The following RNF123 variants were observed in gnomAD, a reference collection of about 807,000 sequenced individuals.
The protein encoded by RNF123 is E3 ubiquitin-protein ligase RNF123.
In RNF123, 86 loss-of-function variants were observed where a neutral mutation model predicts 168.5. That is an observed-to-expected ratio of 0.51 (90% confidence interval 0.43 to 0.61). The LOEUF (loss-of-function observed/expected upper bound fraction) is 0.61, where lower values mean the gene tolerates loss of function less well. RNF123 is among the 20% of genes least tolerant of loss of function. RNF123 has a pLI of 0.00. For synonymous variants in RNF123, 666 were observed against 689.1 expected, an observed-to-expected ratio of 0.97 and a Z score of 0.52; for missense variants, 1,419 against 1,729.7, an observed-to-expected ratio of 0.82 and a Z score of 3.19.
chr3:49,702,702 T>C lies in RNF123; in HGVS notation c.1699T>C (p.Tyr567His), dbSNP rs2054430020. 2 of 1,614,074 alleles carry C rather than the reference T, an allele frequency of 1.2e-6. No individual in the cohort carries two copies. Among genetic ancestry groups the C allele is most frequent in the African/African-American group, 1.3e-5 (1 of 74,924 alleles). ...ACACCGGCTGATCTCTGCCCTGCGCTACTATTGGGATGAATACAAGGCTTC... is the reference window on the plus strand; with the variant it reads ...ACACCGGCTGATCTCTGCCCTGCGCCACTATTGGGATGAATACAAGGCTTC... ...FLHRLISALRYYWDEYKASNP... is the reference protein window; with the variant it reads ...FLHRLISALRHYWDEYKASNP... Residue 567 changes from tyrosine (Y) to histidine (H), a missense_variant, in exon 20 of 39, where the codon TAC (tyrosine) becomes CAC (histidine). By Grantham distance (83) the Tyr-to-His change is moderately conservative (BLOSUM62 2). Around this residue, in one of 5 missense-constraint regions of RNF123, gnomAD observed 349 missense variants for 344.9 expected, o/e 1.01. Coordinates refer to ENST00000327697, the MANE Select transcript of RNF123 (RefSeq NM_022064.5).
chr3:49,716,253 C>G (rs2080242762), intron 34 of RNF123, 76 bp downstream of exon 34: 2 of 1,570,010 alleles, frequency 1.3e-6, no homozygotes, highest in Non-Finnish European at 1.8e-6. Flanking sequence ...AGGCCTGATT[C>G]CACATTCTGC....
rs758710106 is a variant in RNF123 at position 49,691,160 on chromosome 3, T to C, written c.-6T>C. 8 of 1,613,514 alleles carry C rather than the reference T, an allele frequency of 5.0e-6. No individual in the cohort carries two copies. Among genetic ancestry groups the C allele is most frequent in the African/African-American group, 2.7e-5 (2 of 75,034 alleles). ...AGGACCACTGGCTGCCCATGAGAGATGAAGGATGGCATCCAAGGGGGCCGG... is the reference window on the plus strand; with the variant it reads ...AGGACCACTGGCTGCCCATGAGAGACGAAGGATGGCATCCAAGGGGGCCGG... On this transcript the variant is annotated 5_prime_UTR_variant, in exon 2 of 39. An upstream start codon of the reference 5' UTR is lost. Coordinates refer to ENST00000327697, the MANE Select transcript of RNF123 (RefSeq NM_022064.5).
chr3:49,700,247 G>A lies in RNF123; in HGVS notation c.1005G>A (p.Glu335=). The A allele has an allele frequency of 6.8e-6, 11 of 1,614,202 alleles. No homozygotes were observed. The highest frequency in any genetic ancestry group is 8.5e-6 in the Non-Finnish European group (10 of 1,180,028). Residue 335 remains glutamate (E), a synonymous_variant, in exon 13 of 39, where the codon GAG becomes GAA. Transcript: ENST00000327697. Reference sequence around the variant, plus strand: ...TGCAGCGCAAGGTGTATCTGGTGGAGGCTGTGCTCATGAGCTTCTTGCTGG... The same window carrying A: ...TGCAGCGCAAGGTGTATCTGGTGGAAGCTGTGCTCATGAGCTTCTTGCTGG... ...APLLRKVYLV[E]AVLMSFLLGI... is the part of the protein sequence containing the mutation.
chr3:49,716,649 G>A (rs899674957), intron 35 of RNF123, among the ~76,000 whole-genome samples, 172 bp downstream of exon 35: 8 of 152,280 alleles, frequency 5.3e-5, no homozygotes, highest in Non-Finnish European at 7.4e-5. Context: ...GGGGGCAGAC[G>A]GAGCTGCTCT....
chr3:49,701,589 C>T lies in RNF123; in HGVS notation c.1376C>T (p.Pro459Leu). Residue 459 changes from proline (P) to leucine (L), a missense_variant, in exon 16 of 39, where the codon CCC (proline) becomes CTC (leucine). By Grantham distance (98) the Pro-to-Leu change is moderately conservative. This residue lies in a region of RNF123 where 349 missense variants were observed against 344.9 expected (regional missense o/e 1.01). Coordinates refer to ENST00000327697, the MANE Select transcript of RNF123 (RefSeq NM_022064.5). ...LQELIPTTWW[P>L]HCSSREGKES... ...GAGCTCATTCCCACCACCTGGTGGC[C>T]CCACTGCTCCAGTAGGGAGGTGAGT... is the stretch of plus-strand genomic sequence containing the variant. 6.2e-7 allele frequency: 1 copy of T among 1,613,294 alleles called. No homozygotes were observed.
chr3:49,704,065 G>A (rs144365800), intron 21 of RNF123, among the ~76,000 whole-genome samples: 1 of 152,232 alleles, frequency 6.6e-6, no homozygotes, highest in Non-Finnish European at 1.5e-5. Flanking sequence ...CAGAGGTTGT[G>A]TGGATGGGGT....
intron 35 of RNF123, chr3:49,717,682 G>GAAGT (rs1452103493): frequency 3.6e-6 from 2 of 554,712 alleles, no homozygotes; most frequent in Admixed American, 6.5e-5. Flanking sequence ...TGGGCACTAG[G>GAAGT]AAGTCCGCGG....
chr3:49,708,389 C>T (rs4855867), intron 26 of RNF123, among the ~76,000 whole-genome samples: 79,321 of 152,122 alleles, frequency 0.52, 21,597 homozygotes, highest in East Asian at 0.82. Context: ...TCCTCCCTTC[C>T]CCAGCTTCCC....
chr3:49,695,229 C>G (rs1485757705), intron 3 of RNF123, among the ~76,000 whole-genome samples: 1 of 151,996 alleles, frequency 6.6e-6, no homozygotes, highest in Non-Finnish European at 1.5e-5. Flanking sequence ...CAGCCTCCCA[C>G]ATAGCTGGGA....
At chr3:49,697,092 T>A in intron 3 of RNF123, 51 bp from the exon 4 acceptor site, 4 of 1,464,998 alleles carry the variant, frequency 2.7e-6, no homozygotes, top group Non-Finnish European at 3.8e-6. Flanking sequence ...TAGTGTCATC[T>A]GGCTGATTTC....
rs947013058 is a variant in RNF123, at chr3:49,705,853, G to A, written c.2305-129G>A. On this transcript the variant is annotated intron_variant, in intron 24 of 38. Transcript: ENST00000327697. ...GCTGCCTCAGTCTGACCTGCTGACT[G>A]TTGTGGGAATGGGACCGCCCTGGGC... The A allele has an allele frequency of 1.9e-5, 27 of 1,433,428 alleles. No individual in the cohort carries two copies. The South Asian group carries it at 2.5e-4, about 13-fold the overall frequency. The allele number at this position is 1,433,428 out of a possible 1,614,324, so 88.8% of individuals were successfully genotyped here. A position where few individuals can be genotyped will look rare whatever the true frequency, so the allele number is the denominator to read the frequency against.
Position 49,699,078 on chromosome 3 carries a change from C to T in RNF123, c.737C>T (p.Ala246Val). 1 of 1,613,734 alleles carries T rather than the reference C, an allele frequency of 6.2e-7. No homozygotes were observed. Residue 246 changes from alanine (A) to valine (V), a missense_variant, in exon 10 of 39, where the codon GCC (alanine) becomes GTC (valine). Ala to Val is a moderately conservative substitution (Grantham distance 64). Coordinates refer to ENST00000327697, the MANE Select transcript of RNF123 (RefSeq NM_022064.5). This position sits in a 1 kb window ranked among gnomAD's most constrained non-coding sequence, Gnocchi z 4.8. ...AISLSFKESV[A>V]FNFGSRPLRY... Reference sequence around the variant, plus strand: ...AGCCTCTCTTTCAAGGAGTCCGTGGCCTTCAACTTTGGCAGCCGTCCTCTG... The same window carrying T: ...AGCCTCTCTTTCAAGGAGTCCGTGGTCTTCAACTTTGGCAGCCGTCCTCTG...
Position 49,720,882 on chromosome 3 carries a change from A to G in RNF123, c.3726A>G (p.Ala1242=). The change falls in exon 37 of 39, where the codon GCA becomes GCG. Residue 1242 remains alanine (A), a synonymous_variant. Coordinates refer to ENST00000327697, the MANE Select transcript of RNF123 (RefSeq NM_022064.5). ...TGACCTCTGCATCTGCCCAGGCAGC[A>G]GCTGCCTCCCTGGTGAGTGGGAACA... ...AHLTSASAQA[A]AASLPTSEED... 1 of 1,614,128 alleles carries G rather than the reference A, an allele frequency of 6.2e-7. No individual in the cohort carries two copies. Among genetic ancestry groups the G allele is most frequent in the Non-Finnish European group, 8.5e-7 (1 of 1,179,996 alleles).
At chr3:49,697,513 G>A (rs2054292767) in intron 5 of RNF123, 56 bp downstream of exon 5, 23 of 1,379,466 alleles carry the variant, frequency 1.7e-5, no homozygotes, top group Non-Finnish European at 3.0e-6. Context: ...CATAGCCCCA[G>A]GCTCCTCCTG....
At chr3:49,715,350 G>A in intron 31 of RNF123, 1 of 597,368 alleles carries the variant, frequency 1.7e-6, no homozygotes. Context: ...GTCAGGGCTG[G>A]ACACAGCTGC....
In RNF123 at chr3:49,715,980, C is replaced by G. The variant is rs2080236174; in HGVS notation, c.3309C>G (p.Thr1103=). ...TATTCCTTGACTGGACCCGGCCTAC[C>G]TCTGAGATGCTGCTGCGGCGTCTTG... ...PEIFLDWTRP[T]SEMLLRRLAQ... The change falls in exon 33 of 39, where the codon ACC becomes ACG. Residue 1103 remains threonine (T), a synonymous_variant. Transcript: ENST00000327697. The G allele has an allele frequency of 6.2e-7, 1 of 1,613,902 alleles. No homozygotes were observed. Among genetic ancestry groups the G allele is most frequent in the Admixed American group, 1.7e-5 (1 of 60,010 alleles).
At chr3:49,719,639 G>T in intron 35 of RNF123, 1 of 604,922 alleles carries the variant, frequency 1.7e-6, no homozygotes. Flanking sequence ...TTGTGAGGCG[G>T]TGCGGCACTC....
Position 49,721,503 on chromosome 3 carries a change from G to A in RNF123, c.*198G>A, listed in dbSNP as rs777742770. The stretch of plus-strand genomic sequence containing the variant: ...AGCTTGACTTTCAGTCAGGGCCACA[G>A]TGAGCATTAAATTATTATTCCATAC... On this transcript the variant is annotated 3_prime_UTR_variant, in exon 39 of 39. Coordinates refer to ENST00000327697, the MANE Select transcript of RNF123 (RefSeq NM_022064.5). The A allele has an allele frequency of 4.7e-6, 4 of 855,836 alleles. No individual in the cohort carries two copies. Among genetic ancestry groups the A allele is most frequent in the African/African-American group, 1.7e-5 (1 of 60,322 alleles). 53.0% of individuals were successfully genotyped at this position (855,836 alleles called of 1,614,324 possible). A position where few individuals can be genotyped will look rare whatever the true frequency, so the allele number is the denominator to read the frequency against.
rs188127966 is a variant in RNF123, at chr3:49,702,650, C to T, written c.1647C>T (p.Cys549=). ...ASGRGNMPML[C]PPEYMVCFLH... is the part of the protein sequence containing the mutation. The stretch of plus-strand genomic sequence containing the variant: ...GTCCACAGAACATGCCCATGCTCTG[C>T]CCCCCTGAGTACATGGTCTGCTTCT... Residue 549 remains cysteine, a synonymous_variant, in exon 20 of 39, where the codon TGC becomes TGT. Coordinates refer to ENST00000327697, the MANE Select transcript of RNF123 (RefSeq NM_022064.5). 2.5e-5 allele frequency: 40 copies of T among 1,614,192 alleles called. No homozygotes were observed. In the East Asian group the frequency reaches 6.5e-4, roughly 26 times the overall value.
Sources: gnomAD v4.1 joint callset for allele counts (sites outside exome capture counted in the v4.1 genomes callset) on GRCh38, gnomAD v4.1.1 for gene constraint, gnomAD v4.1.1 regional missense constraint, Gnocchi (gnomAD v3.1) non-coding constraint, MANE v1.5 for transcripts, NCBI Gene and HGNC (gene_info 2026-07-23, HGNC 2026-07-21) for gene names.